Variants in IL1RAPL2 observed in about 807,000 individuals in gnomAD.
The protein encoded by IL1RAPL2 is interleukin 1 receptor accessory protein like 2, also known as X-linked interleukin-1 receptor accessory protein-like 2.
Under a neutral mutation model 44.1 loss-of-function variants are expected in IL1RAPL2, and 3 were observed. That is an observed-to-expected ratio of 0.07 (90% CI 0.03 to 0.18). The LOEUF is 0.18. IL1RAPL2 is among the 10% of genes least tolerant of loss of function. IL1RAPL2 has a pLI of 1.00. For missense variants in IL1RAPL2, 391 were observed against 496.4 expected, an observed-to-expected ratio of 0.79 and a Z score of 2.02; for synonymous variants, 181 against 178.8, an observed-to-expected ratio of 1.01 and a Z score of -0.10.
chrX:104,910,278 G>A (rs1287392123), intron 2 of IL1RAPL2, among the ~76,000 whole-genome samples: 21 of 111,927 alleles, frequency 1.9e-4, no homozygotes, highest in Admixed American at 1.7e-3. Context: ...AGACGAACCC[G>A]GTGCCTAGGA....
At chrX:104,939,525 G>C (rs754864641) in intron 2 of IL1RAPL2, among the ~76,000 whole-genome samples, 98 of 111,716 alleles carry the variant, frequency 8.8e-4, no homozygotes, top group African/African-American at 3.0e-3. Context: ...TTATAAGAAA[G>C]AGGTGAAAAA....
intron 2 of IL1RAPL2, among the ~76,000 whole-genome samples, chrX:105,158,024 T>C (rs1464890038): frequency 8.9e-6 from 1 of 111,940 alleles, no homozygotes; most frequent in Non-Finnish European, 1.9e-5. Context: ...TAAGGCTGTT[T>C]TTTACATCTT....
intron 5 of IL1RAPL2, among the ~76,000 whole-genome samples, chrX:105,382,497 T>C (rs1362846727): frequency 3.8e-5 from 4 of 105,842 alleles, no homozygotes; most frequent in Non-Finnish European, 5.8e-5. Flanking sequence ...TGTGGAGAAA[T>C]AGGAACACTT....
At chrX:105,406,317 C>A in intron 5 of IL1RAPL2, 1 of 1,050,490 alleles carries the variant, frequency 9.5e-7, no homozygotes, top group Non-Finnish European at 1.3e-6. Context: ...TACTTTGAAC[C>A]CATTTTGAAC....
At chrX:104,819,248 T>C (rs1257803777) in intron 2 of IL1RAPL2, among the ~76,000 whole-genome samples, 1 of 112,421 alleles carries the variant, frequency 8.9e-6, no homozygotes, top group African/African-American at 3.2e-5. Context: ...CAGCAGATAG[T>C]TCCCAACTTA....
At chrX:104,839,409 C>T (rs768343703) in intron 2 of IL1RAPL2, among the ~76,000 whole-genome samples, 4 of 111,737 alleles carry the variant, frequency 3.6e-5, no homozygotes, top group Non-Finnish European at 7.5e-5. Flanking sequence ...GTATATTGAA[C>T]CAGCCTTGCA....
At chrX:104,597,651 A>G (rs1333048569) in intron 1 of IL1RAPL2, among the ~76,000 whole-genome samples, 2 of 111,048 alleles carry the variant, frequency 1.8e-5, no homozygotes, top group Non-Finnish European at 3.8e-5. Context: ...AACAGAGGAT[A>G]CCAATCATGA....
chrX:104,992,566 T>C lies in IL1RAPL2; in HGVS notation c.83-202909T>C, dbSNP rs150946195. 5.9e-3 allele frequency among the ~76,000 whole-genome samples: 660 copies of C among 111,136 alleles called. 3 individuals carry two copies. The highest frequency in any genetic ancestry group is 0.021 in the African/African-American group (629 of 30,620). ...TGCAGGGGCAGTATTTCTACCATAA[T>C]GAGAATGACATCAAGGAAGACATCG... On this transcript the variant is annotated intron_variant, in intron 2 of 10. Coordinates refer to ENST00000372582, the MANE Select transcript of IL1RAPL2 (RefSeq NM_017416.2).
At chrX:105,612,088 TTTTG>T (rs758633330) in intron 6 of IL1RAPL2, among the ~76,000 whole-genome samples, 77 of 111,014 alleles carry the variant, frequency 6.9e-4, no homozygotes, top group East Asian at 1.7e-3. Context: ...AAACATTGTT[TTTTG>T]TTTGTTTGTT....
intron 2 of IL1RAPL2, among the ~76,000 whole-genome samples, chrX:104,789,982 A>T (rs2147607215): frequency 8.9e-6 from 1 of 112,118 alleles, no homozygotes; most frequent in African/African-American, 3.2e-5. Flanking sequence ...GAGGTAACTC[A>T]TGTCACCAGG....
chrX:105,134,768 C>A (rs987119816), intron 2 of IL1RAPL2, among the ~76,000 whole-genome samples: 1 of 111,453 alleles, frequency 9.0e-6, no homozygotes, highest in South Asian at 3.8e-4. Context: ...TAGTCCTGGC[C>A]AATTATGGAT....
intron 6 of IL1RAPL2, among the ~76,000 whole-genome samples, chrX:105,549,121 G>A (rs374573447): frequency 5.4e-5 from 6 of 111,443 alleles, no homozygotes; most frequent in South Asian, 7.6e-4. Flanking sequence ...CCAGTATGAA[G>A]TATCATATTA....
At chrX:105,725,368 T>G (rs1189797956) in intron 7 of IL1RAPL2, among the ~76,000 whole-genome samples, 3 of 111,895 alleles carry the variant, frequency 2.7e-5, no homozygotes, top group Non-Finnish European at 3.8e-5. Context: ...CTTCAGTTCC[T>G]GAAAGGCTGT....
At chrX:105,188,608 G>T (rs1164684633) in intron 2 of IL1RAPL2, among the ~76,000 whole-genome samples, 1 of 111,779 alleles carries the variant, frequency 8.9e-6, no homozygotes, top group Non-Finnish European at 1.9e-5. Context: ...TAATAACTAG[G>T]TTGCAATGAG....
intron 5 of IL1RAPL2, among the ~76,000 whole-genome samples, chrX:105,392,657 T>G (rs1214722384): frequency 8.9e-6 from 1 of 112,029 alleles, no homozygotes; most frequent in Non-Finnish European, 1.9e-5. Flanking sequence ...TCTGTAGTCC[T>G]AATAATACAT....
chrX:105,395,675 T>C (rs1800576805), intron 5 of IL1RAPL2, among the ~76,000 whole-genome samples: 1 of 111,557 alleles, frequency 9.0e-6, no homozygotes, highest in Admixed American at 9.5e-5. Flanking sequence ...GCTCATCACA[T>C]TTGTCATCCC....
At chrX:105,423,734 C>T (rs1305386364) in intron 5 of IL1RAPL2, among the ~76,000 whole-genome samples, 5 of 111,098 alleles carry the variant, frequency 4.5e-5, no homozygotes, top group Middle Eastern at 4.2e-3. Context: ...TGGCTTTCTA[C>T]CATTCTAGAA....
At chrX:104,851,738 G>T (rs1922230570) in intron 2 of IL1RAPL2, among the ~76,000 whole-genome samples, 1 of 111,410 alleles carries the variant, frequency 9.0e-6, no homozygotes, top group South Asian at 3.8e-4. Context: ...CAAGAAAACA[G>T]ACTTATTTAG....
chrX:104,903,946 C>A (rs2147675557), intron 2 of IL1RAPL2, among the ~76,000 whole-genome samples: 1 of 111,577 alleles, frequency 9.0e-6, no homozygotes, highest in African/African-American at 3.3e-5. Flanking sequence ...TGTTCCAGGT[C>A]ATACAACTAG....
Sources: gnomAD v4.1 joint callset for allele counts (sites outside exome capture counted in the v4.1 genomes callset) on GRCh38, gnomAD v4.1.1 for gene constraint, MANE v1.5 for transcripts, NCBI Gene and HGNC (gene_info 2026-07-23, HGNC 2026-07-21) for gene names.